Variants in LMF1 observed in about 807,000 individuals in gnomAD.
LMF1 encodes the protein transmembrane protein 112.
Under a neutral mutation model 60.6 loss-of-function variants are expected in LMF1, and 68 were observed. The ratio of observed to expected loss-of-function variants is 1.12; its 90% CI spans 0.92 to 1.37. The LOEUF is 1.37. Among genes scored for constraint, LMF1 ranks in the 40% most tolerant of loss-of-function variants. The pLI is 0.00. For synonymous variants in LMF1, 418 were observed against 324.7 expected (o/e 1.29, Z -3.09); for missense variants, 948 against 767.2 (o/e 1.24, Z -2.78).
In LMF1 at chr16:874,143, C is replaced by T. The variant is rs1479170601; in HGVS notation, c.898-2802G>A. On this transcript the variant is annotated intron_variant, in intron 6 of 10. Coordinates refer to ENST00000262301, the MANE Select transcript of LMF1 (RefSeq NM_022773.4). This position sits in a 1 kb window ranked among gnomAD's most constrained non-coding sequence, Gnocchi z 4.1. ...TCACGCTGTGAACGTGCTGGAGGCC[C>T]CCGAGTTCACTTCAAAAGCATGAAC... is the stretch of plus-strand genomic sequence containing the variant. Among the ~76,000 whole-genome samples the T allele has an allele frequency of 2.6e-5, 4 of 152,184 alleles. No homozygotes were observed. The highest frequency in any genetic ancestry group is 1.3e-4 in the Admixed American group (2 of 15,284).
chr16:970,742 C>T (rs896771617), intron 1 of LMF1, 46 bp downstream of exon 1: 42 of 1,474,282 alleles, frequency 2.8e-5, no homozygotes, highest in Non-Finnish European at 3.7e-5. Flanking sequence ...GGTCGTGGTG[C>T]GCGGAGGTGA....
intron 10 of LMF1, among the ~76,000 whole-genome samples, chr16:860,080 T>C (rs369414183): frequency 7.2e-5 from 11 of 152,208 alleles, no homozygotes; most frequent in African/African-American, 2.4e-4. Context: ...CTGTGCTCAT[T>C]TTCTAATAAG....
chr16:862,952 A>G (rs1212867153), intron 10 of LMF1, among the ~76,000 whole-genome samples: 1 of 152,188 alleles, frequency 6.6e-6, no homozygotes, highest in East Asian at 1.9e-4. Context: ...CTCCAGTGAA[A>G]CCATCTGAGC....
At chr16:922,311 A>G (rs1381991170) in intron 3 of LMF1, among the ~76,000 whole-genome samples, 2 of 152,170 alleles carry the variant, frequency 1.3e-5, no homozygotes, top group African/African-American at 4.8e-5. Context: ...GGGGCCACAG[A>G]GGGGGTTCTG....
At chr16:952,362 C>A (rs1025950431) in intron 2 of LMF1, among the ~76,000 whole-genome samples, 1 of 152,176 alleles carries the variant, frequency 6.6e-6, no homozygotes, top group East Asian at 1.9e-4. Flanking sequence ...CATGAGCCTG[C>A]AGGGCCTGGG....
chr16:923,170 G>A lies in LMF1; in HGVS notation c.514+11074C>T, dbSNP rs116243780. 6.8e-3 allele frequency among the ~76,000 whole-genome samples: 1,037 copies of A among 152,242 alleles called. 19 individuals are homozygous for A. The highest frequency in any genetic ancestry group is 0.023 in the African/African-American group (956 of 41,498). On this transcript the variant is annotated intron_variant, in intron 3 of 10. Coordinates refer to ENST00000262301, the MANE Select transcript of LMF1 (RefSeq NM_022773.4). Reference sequence around the variant, plus strand: ...TTGTTGCAAAGGCCTGTCTTCAGGTGTACGAGGAGGCATTTCCAAATGCAG... The same window carrying A: ...TTGTTGCAAAGGCCTGTCTTCAGGTATACGAGGAGGCATTTCCAAATGCAG...
chr16:906,984 G>A (rs991903260), intron 4 of LMF1, among the ~76,000 whole-genome samples: 5 of 152,178 alleles, frequency 3.3e-5, no homozygotes, highest in Non-Finnish European at 5.9e-5. Flanking sequence ...AGCAATGTGT[G>A]CTATCTTTCG....
chr16:976,389 G>C (rs753663056), intron 1 of LMF1: 1 of 454,126 alleles, frequency 2.2e-6, no homozygotes, highest in Non-Finnish European at 4.4e-6. Context: ...TCCTGTACAC[G>C]GCACAGCTGT....
chr16:979,951 A>AG (rs2073296602), intron 1 of LMF1: 2 of 357,330 alleles, frequency 5.6e-6, no homozygotes, highest in Non-Finnish European at 1.1e-5. Flanking sequence ...CAGGGCCTCC[A>AG]GGGGGAAGAG....
rs369183883 is a variant in LMF1, at chr16:919,895, C to T, written c.515-8816G>A. Among the ~76,000 whole-genome samples, 14 of 152,232 alleles carry T rather than the reference C, an allele frequency of 9.2e-5. 1 individual carries two copies. In the East Asian group the frequency reaches 1.9e-3, roughly 21 times the overall value. ...GCTCCGCCCCGGGACCCCCTTCCTC[C>T]GAGGCAGTCAGGCTCCTGCCCCCGG... On this transcript the variant is annotated intron_variant, in intron 3 of 10. Transcript: ENST00000262301.
chr16:900,460 TGA>T (rs2070777438), intron 4 of LMF1: 1 of 152,258 alleles, frequency 6.6e-6, no homozygotes, highest in Non-Finnish European at 1.5e-5. Flanking sequence ...TGCACAGGTG[TGA>T]GTTTGGACAT....
intron 3 of LMF1, among the ~76,000 whole-genome samples, chr16:913,236 G>A (rs1426072643): frequency 6.6e-6 from 1 of 152,230 alleles, no homozygotes; most frequent in Non-Finnish European, 1.5e-5. Context: ...ACCTCGTGCT[G>A]TGCTGGGCCT....
intron 4 of LMF1, chr16:900,729 G>T (rs8043681): frequency 0.088 from 6,989 of 79,230 alleles, 259 homozygotes; most frequent in African/African-American, 0.14. Context: ...GTGTGTGTGT[G>T]TGTTTTAGTA....
At chr16:921,291 C>G (rs915877902) in intron 3 of LMF1, 1 of 152,258 alleles carries the variant, frequency 6.6e-6, no homozygotes, top group African/African-American at 2.4e-5. Context: ...CCTTTTCAGA[C>G]AGCGCAGAGC....
chr16:944,918 T>A (rs369504441), intron 2 of LMF1, among the ~76,000 whole-genome samples: 1 of 151,282 alleles, frequency 6.6e-6, no homozygotes, highest in Non-Finnish European at 1.5e-5. Flanking sequence ...CTTGTTAGGT[T>A]AAAAAAAATA....
intron 1 of LMF1, among the ~76,000 whole-genome samples, chr16:958,900 A>C (rs374906252): frequency 3.7e-4 from 55 of 147,184 alleles, no homozygotes; most frequent in African/African-American, 1.3e-3. Flanking sequence ...AAAAACCAAA[A>C]AAACAAAACA....
chr16:979,160 C>T (rs762297006), intron 1 of LMF1: 2 of 441,992 alleles, frequency 4.5e-6, no homozygotes, highest in South Asian at 3.1e-5. Context: ...TCAAGCCATC[C>T]CGACACCTCC....
intron 4 of LMF1, 46 bp downstream of exon 4, chr16:910,885 G>T: frequency 6.2e-7 from 1 of 1,608,084 alleles, no homozygotes; most frequent in Non-Finnish European, 8.5e-7. Flanking sequence ...CAGGTTAGAA[G>T]AGCCACCGTT....
At chr16:862,093 G>A (rs1013449290) in intron 10 of LMF1, among the ~76,000 whole-genome samples, 13 of 150,052 alleles carry the variant, frequency 8.7e-5, no homozygotes, top group East Asian at 2.0e-4. Context: ...TCTCAAATAC[G>A]GAACCAACCT....
Sources: allele counts gnomAD v4.1 joint callset (sites outside exome capture counted in the v4.1 genomes callset), GRCh38; gene constraint gnomAD v4.1.1; non-coding constraint Gnocchi (gnomAD v3.1); transcripts MANE v1.5; gene names NCBI Gene and HGNC (gene_info 2026-07-23, HGNC 2026-07-21).